FAM186A: variants seen among roughly 807,000 people sequenced by gnomAD.
The protein encoded by FAM186A is family with sequence similarity 186 member A.
In FAM186A, 163 loss-of-function variants were observed where a neutral mutation model predicts 216.8. The ratio of observed to expected loss-of-function variants is 0.75; its 90% confidence interval spans 0.66 to 0.86. FAM186A has a LOEUF of 0.86. FAM186A is among the 40% of genes least tolerant of loss of function. FAM186A has a pLI of 0.00. For synonymous variants in FAM186A, 805 were observed against 1,025.3 expected, an observed-to-expected ratio of 0.79 and a Z score of 4.10; for missense variants, 2,184 against 2,746.2, an observed-to-expected ratio of 0.80 and a Z score of 4.58.
chr12:50,330,786 C>T, intron 6 of FAM186A, 28 bp from the exon 7 acceptor site: 1 of 1,492,892 alleles, frequency 6.7e-7, no homozygotes, highest in South Asian at 1.4e-5. Context: ...ATTGGGAACG[C>T]CAAATTCTCC....
intron 1 of FAM186A, among the ~76,000 whole-genome samples, chr12:50,382,108 A>T (rs991706108): frequency 1.3e-5 from 2 of 152,092 alleles, no homozygotes; most frequent in Non-Finnish European, 2.9e-5. Context: ...CCTCTGGAGA[A>T]GGTGGACACT....
rs553347541 is a variant in FAM186A at position 50,342,406 on chromosome 12, T to C, written c.6503+7923A>G. 4.5e-3 allele frequency among the ~76,000 whole-genome samples: 688 copies of C among 152,122 alleles called. 1 individual carries two copies. Among genetic ancestry groups the C allele is most frequent in the Non-Finnish European group, 7.9e-3 (537 of 68,006 alleles). On this transcript the variant is annotated intron_variant, in intron 4 of 7. Transcript: ENST00000327337. ...ACAGGAATGCAATGATGGTTTAATA[T>C]AATTATATTAATAGAACTAAGGGGG...
intron 7 of FAM186A, among the ~76,000 whole-genome samples, chr12:50,330,334 C>T (rs1942644056): frequency 6.6e-6 from 1 of 152,104 alleles, no homozygotes; most frequent in Non-Finnish European, 1.5e-5. Context: ...GGTATTATAA[C>T]TGGTTTTTTG....
Position 50,337,346 on chromosome 12 carries a change from G to C in FAM186A, c.6504-3243C>G, listed in dbSNP as rs1158731714. ...GTCTCTCTTTGTCACCCAGGTTGGAGTGCAGTGGCGCGATCTTGGCTCACT... is the reference window on the plus strand; with the variant it reads ...GTCTCTCTTTGTCACCCAGGTTGGACTGCAGTGGCGCGATCTTGGCTCACT... On this transcript the variant is annotated intron_variant, in intron 4 of 7. Coordinates refer to ENST00000327337, the MANE Select transcript of FAM186A (RefSeq NM_001145475.3). 2.9e-5 allele frequency among the ~76,000 whole-genome samples: 4 copies of C among 137,502 alleles called. No homozygotes were observed. The East Asian group carries it at 6.5e-4, about 22-fold the overall frequency. 90.2% of individuals were successfully genotyped at this position (137,502 alleles called of 152,430 possible).
chr12:50,349,215 CT>C (rs973904303), intron 4 of FAM186A, among the ~76,000 whole-genome samples: 15 of 148,290 alleles, frequency 1.0e-4, no homozygotes, highest in Admixed American at 4.1e-4. Context: ...CCATCCTTCT[CT>C]TTTTTTTTTC....
At position 50,355,202 on chromosome 12, in the gene FAM186A, A is replaced by ACAT; in HGVS notation, c.1627_1629dup (p.Met543dup). On this transcript the variant is annotated inframe_insertion, in exon 4 of 8. Transcript: ENST00000327337. ...CGTTTGACCTTCCTAAATTGCTCCA[A>ACAT]CATCATCATACTTGTTCCACTTTTG... 7 of 1,551,610 alleles carry ACAT rather than the reference A, an allele frequency of 4.5e-6. No homozygotes were observed. The highest frequency in any genetic ancestry group is 6.1e-6 in the Non-Finnish European group (7 of 1,146,944).
chr12:50,351,338 G>C lies in FAM186A; in HGVS notation c.5494C>G (p.Pro1832Ala). The C allele has an allele frequency of 2.0e-6, 3 of 1,494,268 alleles. No individual in the cohort carries two copies. In the East Asian group the frequency reaches 7.4e-5, roughly 37 times the overall value. The allele number at this position is 1,494,268 out of a possible 1,614,324, so 92.6% of individuals were successfully genotyped here. A position where few individuals can be genotyped will look rare whatever the true frequency, so the allele number is the denominator to read the frequency against. Residue 1832 changes from proline to alanine, a missense_variant, in exon 4 of 8, where the codon CCC becomes GCC. Around this residue, in one of 7 missense-constraint regions of FAM186A, gnomAD observed 721 missense variants for 816.4 expected, o/e 0.88. Coordinates refer to ENST00000327337, the MANE Select transcript of FAM186A (RefSeq NM_001145475.3). ...GCTATAAAGGGCTGCCCTGGAGTGGGAGGGGCCCGAGATATTGGGAGCTGC... is the reference window on the plus strand; with the variant it reads ...GCTATAAAGGGCTGCCCTGGAGTGGCAGGGGCCCGAGATATTGGGAGCTGC... ...PGQLPISRAP[P>A]TPGQPFIAGV...
chr12:50,387,023 T>C (rs923279110), intron 1 of FAM186A, among the ~76,000 whole-genome samples: 2 of 152,030 alleles, frequency 1.3e-5, no homozygotes, highest in African/African-American at 4.8e-5. Context: ...TCAGACCAAA[T>C]GTGGGGTCGG....
At position 50,353,089 on chromosome 12, in the gene FAM186A, G is replaced by C. The variant is rs371233378; in HGVS notation, c.3743C>G (p.Ala1248Gly). The C allele has an allele frequency of 6.5e-7, 1 of 1,539,404 alleles. No individual in the cohort carries two copies. The highest frequency in any genetic ancestry group is 1.2e-5 in the South Asian group (1 of 83,722). Reference protein sequence around the residue: ...QLGIPLTPQQAQALGITLTPK... With the variant: ...QLGIPLTPQQGQALGITLTPK... Reference sequence around the variant, plus strand: ...GGTGAGAGTGATTCCGAGAGCCTGCGCCTGCTGAGGGGTGAGAGGGATCCC... The same window carrying C: ...GGTGAGAGTGATTCCGAGAGCCTGCCCCTGCTGAGGGGTGAGAGGGATCCC... The change falls in exon 4 of 8, where the codon GCG becomes GGG. Residue 1248 changes from alanine (A) to glycine (G), a missense_variant. Coordinates refer to ENST00000327337, the MANE Select transcript of FAM186A (RefSeq NM_001145475.3).
chr12:50,378,268 C>T (rs184724472), intron 1 of FAM186A, among the ~76,000 whole-genome samples: 4 of 151,404 alleles, frequency 2.6e-5, no homozygotes, highest in Non-Finnish European at 2.9e-5. Context: ...CGGTGGCTCA[C>T]GCCTGTAATC....
At chr12:50,376,749 T>C (rs1462751146) in intron 1 of FAM186A, among the ~76,000 whole-genome samples, 26 of 146,742 alleles carry the variant, frequency 1.8e-4, no homozygotes, top group East Asian at 1.4e-3. Flanking sequence ...TCTCTCTCTT[T>C]TTTTTTTTTT....
rs1043320820 is a variant in FAM186A at position 50,354,407 on chromosome 12, A to C, written c.2425T>G (p.Ser809Ala). Residue 809 changes from serine to alanine, a missense_variant, in exon 4 of 8, where the codon TCA becomes GCA. Ser to Ala is a moderately conservative substitution (Grantham distance 99). Transcript: ENST00000327337. ...IESERDIPTV[S>A]TVQKDHKEKE... ...TCCTTGTGGTCTTTCTGTACTGTTGAGACTGTTGGAATATCTCTTTCACTT... is the reference window on the plus strand; with the variant it reads ...TCCTTGTGGTCTTTCTGTACTGTTGCGACTGTTGGAATATCTCTTTCACTT... The C allele has an allele frequency of 9.0e-6, 14 of 1,551,194 alleles. No homozygotes were observed. In the Admixed American group the frequency reaches 1.6e-4, roughly 17 times the overall value.
At position 50,387,535 on chromosome 12, in the gene FAM186A, G is replaced by T. The variant is rs114255918; in HGVS notation, c.192+8758C>A. Among the ~76,000 whole-genome samples the T allele has an allele frequency of 5.7e-3, 862 of 152,308 alleles. 6 individuals carry two copies. Among genetic ancestry groups the T allele is most frequent in the African/African-American group, 0.02 (841 of 41,574 alleles). On this transcript the variant is annotated intron_variant, in intron 1 of 7. Transcript: ENST00000327337. ...TCCCAGAGGAAAAGACCGGCTGGTG[G>T]TGGATGTGCTAGATTTTATAGTGTG...
chr12:50,346,613 C>T (rs937832515), intron 4 of FAM186A, among the ~76,000 whole-genome samples: 54 of 151,924 alleles, frequency 3.6e-4, no homozygotes, highest in Non-Finnish European at 1.3e-4. Flanking sequence ...TTTGGGAGGC[C>T]GAAGCGGGTG....
At chr12:50,385,435 A>AAT (rs1485489209) in intron 1 of FAM186A, among the ~76,000 whole-genome samples, 35 of 150,366 alleles carry the variant, frequency 2.3e-4, no homozygotes, top group African/African-American at 7.1e-4. Context: ...AAAAAAAAAA[A>AAT]GAAAGTATAA....
At chr12:50,343,083 C>T (rs1439020958) in intron 4 of FAM186A, among the ~76,000 whole-genome samples, 1 of 151,868 alleles carries the variant, frequency 6.6e-6, no homozygotes, top group African/African-American at 2.4e-5. Flanking sequence ...CCTATCTTTA[C>T]AAAAAGTTTA....
In FAM186A at chr12:50,350,431, G is replaced by C. The variant is rs1350568481; in HGVS notation, c.6401C>G (p.Thr2134Arg). The change falls in exon 4 of 8, where the codon ACA becomes AGA. Residue 2134 changes from threonine to arginine, a missense_variant. Thr to Arg is a moderately conservative substitution (Grantham distance 71, BLOSUM62 -1). This residue lies in a region of FAM186A where 721 missense variants were observed against 816.4 expected (regional missense o/e 0.88). Transcript: ENST00000327337. ...CTCAATTATGAGAGTCCTAGCCATT[G>C]TGTGTAGCTGTGAAGGGAGTCCACA... ...KTCGLPSQLH[T>R]MARTLIIEIL... is the part of the protein sequence containing the mutation. 35 of 1,551,442 alleles carry C rather than the reference G, an allele frequency of 2.3e-5. No individual in the cohort carries two copies. Among genetic ancestry groups the C allele is most frequent in the Admixed American group, 7.9e-5 (4 of 50,910 alleles).
chr12:50,394,732 C>CTTTTTTTTTTTTTTTTTTTTTTTT lies in FAM186A; in HGVS notation c.192+1537_192+1560dup, dbSNP rs71083561. Among the ~76,000 whole-genome samples the CTTTTTTTTTTTTTTTTTTTTTTTT allele has an allele frequency of 2.4e-4, 7 of 29,408 alleles. 2 individuals carry two copies. Among genetic ancestry groups the CTTTTTTTTTTTTTTTTTTTTTTTT allele is most frequent in the African/African-American group, 3.1e-4 (2 of 6,444 alleles). The allele number at this position is 29,408 out of a possible 152,430, so 19.3% of individuals were successfully genotyped here. On this transcript the variant is annotated intron_variant, in intron 1 of 7. Coordinates refer to ENST00000327337, the MANE Select transcript of FAM186A (RefSeq NM_001145475.3). ...TGAGCCACTGTGCCTGGCTAACACTCTTTTTTTTTTTTTTTTTTTTTTTTT... is the reference window on the plus strand; with the variant it reads ...TGAGCCACTGTGCCTGGCTAACACTCTTTTTTTTTTTTTTTTTTTTTTTTTTTTTTTTTTTTTTTTTTTTTTTTT...
At chr12:50,383,278 A>AAAAAAGAGAG (rs1555218962) in intron 1 of FAM186A, among the ~76,000 whole-genome samples, 5 of 49,246 alleles carry the variant, frequency 1.0e-4, no homozygotes, top group Non-Finnish European at 1.8e-4. Context: ...AAAAAAAAAA[A>AAAAAAGAGAG]AGAGAGAGAG....
Sources: gnomAD v4.1 joint callset for allele counts (sites outside exome capture counted in the v4.1 genomes callset) on GRCh38, gnomAD v4.1.1 for gene constraint, gnomAD v4.1.1 regional missense constraint, MANE v1.5 for transcripts, NCBI Gene and HGNC (gene_info 2026-07-23, HGNC 2026-07-21) for gene names.